The following KCNMA1 variants were observed in gnomAD, a reference collection of about 807,000 sequenced individuals.
KCNMA1 encodes Calcium-activated potassium channel subunit alpha-1.
Under a neutral mutation model 140.0 loss-of-function variants are expected in KCNMA1, and 29 were observed. The ratio of observed to expected loss-of-function variants is 0.21; its 90% CI spans 0.15 to 0.28. The LOEUF is 0.28. Ranked by LOEUF, KCNMA1 falls within the 10% of genes least tolerant of loss-of-function variation. The pLI is 1.00. For synonymous variants in KCNMA1, 612 were observed against 611.9 expected (o/e 1.00, Z 0.00); for missense variants, 880 against 1,602.2 (o/e 0.55, Z 7.70).
At chr10:77,552,757 C>T (rs1023601717) in intron 1 of KCNMA1, among the ~76,000 whole-genome samples, 2 of 152,090 alleles carry the variant, frequency 1.3e-5, no homozygotes, top group Admixed American at 6.5e-5. Context: ...TTTAAGAATC[C>T]AAAAAGGTTA....
intron 13 of KCNMA1, among the ~76,000 whole-genome samples, chr10:77,078,343 T>G (rs2096463907): frequency 1.3e-5 from 2 of 152,170 alleles, no homozygotes; most frequent in South Asian, 2.1e-4. Flanking sequence ...CCCCTAAAGC[T>G]GTTTTTTTGG....
chr10:77,618,766 G>T (rs189873174), intron 1 of KCNMA1, among the ~76,000 whole-genome samples: 1 of 152,288 alleles, frequency 6.6e-6, no homozygotes, highest in East Asian at 1.9e-4. Flanking sequence ...CTTCAAACCA[G>T]CCAGGGCAGG....
chr10:77,293,024 G>A, intron 2 of KCNMA1, among the ~76,000 whole-genome samples: 1 of 152,134 alleles, frequency 6.6e-6, no homozygotes, highest in East Asian at 1.9e-4. Flanking sequence ...CCTTTGAAAG[G>A]CCAGGAGAAG....
intron 1 of KCNMA1, among the ~76,000 whole-genome samples, chr10:77,561,814 G>A (rs2066492343): frequency 6.6e-6 from 1 of 152,110 alleles, no homozygotes; most frequent in Non-Finnish European, 1.5e-5. Context: ...CAGCACTTAG[G>A]GCAATGTCTA....
chr10:77,108,383 T>C lies in KCNMA1; in HGVS notation c.1223+98A>G. Reference sequence around the variant, plus strand: ...ACGTAGCGGGCAAACATTGCCTACATGCATGAAACAAAGAAACAAGAGCCA... The same window carrying C: ...ACGTAGCGGGCAAACATTGCCTACACGCATGAAACAAAGAAACAAGAGCCA... On this transcript the variant is annotated intron_variant, in intron 9 of 27. Coordinates refer to ENST00000286628, the MANE Select transcript of KCNMA1 (RefSeq NM_001161352.2). The surrounding 1 kb of genome is among the most constrained non-coding windows in gnomAD (Gnocchi z 4.6). 6 of 1,593,090 alleles carry C rather than the reference T, an allele frequency of 3.8e-6. No individual in the cohort carries two copies. Among genetic ancestry groups the C allele is most frequent in the Non-Finnish European group, 5.1e-6 (6 of 1,176,518 alleles).
chr10:77,542,867 T>C (rs907015782), intron 1 of KCNMA1, among the ~76,000 whole-genome samples: 3 of 152,190 alleles, frequency 2.0e-5, no homozygotes, highest in African/African-American at 7.2e-5. Context: ...TCTCACTAAT[T>C]ACTATATATT....
chr10:77,019,986 G>A (rs1263995194), intron 16 of KCNMA1: 1 of 152,156 alleles, frequency 6.6e-6, no homozygotes, highest in African/African-American at 2.4e-5. Context: ...ATAAATGGAT[G>A]AAACAAACAA....
intron 1 of KCNMA1, among the ~76,000 whole-genome samples, chr10:77,418,529 C>T (rs2096792910): frequency 1.3e-5 from 2 of 152,150 alleles, no homozygotes; most frequent in African/African-American, 2.4e-5. Context: ...ACAGAGCTCA[C>T]CGAGTGTCTG....
At chr10:77,307,629 C>A (rs1167245088) in intron 2 of KCNMA1, among the ~76,000 whole-genome samples, 2 of 152,198 alleles carry the variant, frequency 1.3e-5, no homozygotes, top group South Asian at 4.1e-4. Flanking sequence ...TCACTGCAAG[C>A]TCCACCTCCC....
intron 13 of KCNMA1, among the ~76,000 whole-genome samples, chr10:77,077,274 CCTGA>C (rs930075285): frequency 6.6e-6 from 1 of 152,222 alleles, no homozygotes; most frequent in African/African-American, 2.4e-5. Flanking sequence ...TTCCCTGTGT[CCTGA>C]CTAATCATCC....
intron 5 of KCNMA1, among the ~76,000 whole-genome samples, chr10:77,151,776 T>C (rs188669904): frequency 2.1e-4 from 32 of 152,300 alleles, no homozygotes; most frequent in Admixed American, 2.0e-3. Context: ...GTGCAATGAT[T>C]TCTTTTTATA....
Position 77,201,643 on chromosome 10 carries a change from T to C in KCNMA1, c.603-16727A>G, listed in dbSNP as rs143712132. ...ACCCAGCCTGAAATTAGTATTATTT[T>C]AAAGTTCACGCATGTGACCTTATAA... On this transcript the variant is annotated intron_variant, in intron 3 of 27. Transcript: ENST00000286628. Among the ~76,000 whole-genome samples, 167 of 152,336 alleles carry C rather than the reference T, an allele frequency of 1.1e-3. 2 individuals are homozygous for C. Among genetic ancestry groups the C allele is most frequent in the African/African-American group, 3.7e-3 (152 of 41,570 alleles).
intron 1 of KCNMA1, among the ~76,000 whole-genome samples, chr10:77,431,681 TAAAAAAAAAAAAAAA>T (rs71028276): frequency 0.18 from 13,810 of 76,814 alleles, 1,076 homozygotes; most frequent in Middle Eastern, 0.31. Context: ...TGGTCTGTTG[TAAAAAAAAAAAAAAA>T]AAAAAAAAAA....
chr10:77,565,053 A>C (rs2067716803), intron 1 of KCNMA1, among the ~76,000 whole-genome samples: 1 of 152,214 alleles, frequency 6.6e-6, no homozygotes, highest in Admixed American at 6.5e-5. Context: ...CCTCTCGGCC[A>C]AATCGCCCTC....
chr10:77,596,354 T>C (rs1447173569), intron 1 of KCNMA1, among the ~76,000 whole-genome samples: 1 of 152,170 alleles, frequency 6.6e-6, no homozygotes, highest in Non-Finnish European at 1.5e-5. Context: ...AAAGAAATCC[T>C]CATACATGCA....
At chr10:77,027,104 C>T (rs577998005) in intron 16 of KCNMA1, among the ~76,000 whole-genome samples, 3 of 152,298 alleles carry the variant, frequency 2.0e-5, no homozygotes, top group African/African-American at 7.2e-5. Context: ...AAAATCATCT[C>T]TATTTTATCT....
chr10:77,167,047 TCTATCAAA>T (rs2098650458), intron 5 of KCNMA1, among the ~76,000 whole-genome samples: 1 of 152,162 alleles, frequency 6.6e-6, no homozygotes. Context: ...ACCCTACTGA[TCTATCAAA>T]CACCAAGTCT....
intron 3 of KCNMA1, among the ~76,000 whole-genome samples, chr10:77,231,575 G>A (rs1397043221): frequency 1.3e-5 from 2 of 152,088 alleles, no homozygotes; most frequent in African/African-American, 4.8e-5. Flanking sequence ...TTTCTAGGAG[G>A]AAAATACCTG....
intron 1 of KCNMA1, among the ~76,000 whole-genome samples, chr10:77,431,452 T>G (rs1191670953): frequency 6.6e-6 from 1 of 152,122 alleles, no homozygotes; most frequent in Non-Finnish European, 1.5e-5. Context: ...AATCCTTTTA[T>G]GACATTCTAA....
Sources: gnomAD v4.1 joint callset for allele counts (sites outside exome capture counted in the v4.1 genomes callset) on GRCh38, gnomAD v4.1.1 for gene constraint, Gnocchi (gnomAD v3.1) non-coding constraint, MANE v1.5 for transcripts, NCBI Gene and HGNC (gene_info 2026-07-23, HGNC 2026-07-21) for gene names.